QTMAN: variants seen among roughly 807,000 people sequenced by gnomAD.
The protein encoded by QTMAN is tRNA-queuosine alpha-mannosyltransferase.
the QTMAN span, among the ~76,000 whole-genome samples, chr2:143,989,293 A>G: frequency 9.9e-5 from 15 of 152,198 alleles, no homozygotes; most frequent in African/African-American, 3.1e-4. Flanking sequence ...CATAGAACTG[A>G]GTGGTGATAA....
chr2:144,329,480 TATAAA>T, the QTMAN span, among the ~76,000 whole-genome samples: 1 of 152,188 alleles, frequency 6.6e-6, no homozygotes, highest in South Asian at 2.1e-4. Flanking sequence ...AACATATCCT[TATAAA>T]ATAAAACCAA....
At chr2:144,060,067 A>G in the QTMAN span, among the ~76,000 whole-genome samples, 2 of 152,214 alleles carry the variant, frequency 1.3e-5, no homozygotes, top group East Asian at 3.9e-4. Flanking sequence ...TCCTGGAATA[A>G]TATCTACCTT....
At chr2:144,004,842 A>T in the QTMAN span, among the ~76,000 whole-genome samples, 1 of 152,006 alleles carries the variant, frequency 6.6e-6, no homozygotes, top group Non-Finnish European at 1.5e-5. Context: ...CAGGTTACAC[A>T]CTGTAATCCT....
chr2:144,174,756 G>GT, the QTMAN span, among the ~76,000 whole-genome samples: 10 of 152,150 alleles, frequency 6.6e-5, 1 homozygote, highest in Non-Finnish European at 1.2e-4. Flanking sequence ...CTGGTGCCAT[G>GT]TAAGGCGTGT....
chr2:144,324,266 T>C, the QTMAN span, among the ~76,000 whole-genome samples: 1 of 152,220 alleles, frequency 6.6e-6, no homozygotes, highest in African/African-American at 2.4e-5. Flanking sequence ...TTAAAGTCAA[T>C]TGAGTAAGAC....
chr2:144,145,568 C>T, the QTMAN span: 1 of 1,601,390 alleles, frequency 6.2e-7, no homozygotes, highest in South Asian at 1.1e-5. Context: ...CAATCCATAC[C>T]TACCATGAAA....
the QTMAN span, among the ~76,000 whole-genome samples, chr2:144,195,897 T>C: frequency 2.1e-4 from 32 of 152,108 alleles, no homozygotes; most frequent in Non-Finnish European, 3.8e-4. Flanking sequence ...CTTTATAAAC[T>C]TAAAAGTTAT....
At chr2:144,294,386 C>A in the QTMAN span, 1 of 152,188 alleles carries the variant, frequency 6.6e-6, no homozygotes, top group South Asian at 2.1e-4. Flanking sequence ...AGGTTCTTTT[C>A]TGATGCTCTC....
At chr2:144,097,762 T>C in the QTMAN span, among the ~76,000 whole-genome samples, 1 of 152,216 alleles carries the variant, frequency 6.6e-6, no homozygotes, top group Non-Finnish European at 1.5e-5. Flanking sequence ...TCCTCAGCAA[T>C]GCTTTTAAAC....
At chr2:144,260,241 T>A in the QTMAN span, among the ~76,000 whole-genome samples, 60 of 152,272 alleles carry the variant, frequency 3.9e-4, no homozygotes, top group African/African-American at 1.4e-3. Flanking sequence ...TGAAATAACA[T>A]CATTTTTATT....
chr2:144,180,301 T>A, the QTMAN span, among the ~76,000 whole-genome samples: 1 of 152,144 alleles, frequency 6.6e-6, no homozygotes, highest in Non-Finnish European at 1.5e-5. Context: ...ACATTTTAAA[T>A]GGAAACCAAG....
At chr2:144,251,190 A>C in the QTMAN span, among the ~76,000 whole-genome samples, 1 of 152,154 alleles carries the variant, frequency 6.6e-6, no homozygotes, top group Non-Finnish European at 1.5e-5. Flanking sequence ...TATTTTTTAA[A>C]AAACATCACA....
At chr2:144,133,393 T>A in the QTMAN span, among the ~76,000 whole-genome samples, 1 of 59,308 alleles carries the variant, frequency 1.7e-5, no homozygotes, top group South Asian at 3.7e-4. Flanking sequence ...ATAATATATA[T>A]TATATAAATA....
chr2:144,070,034 G>A, the QTMAN span, among the ~76,000 whole-genome samples: 1 of 151,994 alleles, frequency 6.6e-6, no homozygotes, highest in Non-Finnish European at 1.5e-5. Flanking sequence ...TTATAGTTAT[G>A]TTTACTAAAG....
chr2:144,168,846 A>G, the QTMAN span, among the ~76,000 whole-genome samples: 5 of 152,112 alleles, frequency 3.3e-5, no homozygotes, highest in Non-Finnish European at 7.4e-5. Context: ...TGTGAAAGGA[A>G]TATCTTAGTT....
chr2:144,009,235 C>T, the QTMAN span, among the ~76,000 whole-genome samples: 1 of 152,038 alleles, frequency 6.6e-6, no homozygotes, highest in Non-Finnish European at 1.5e-5. Context: ...CTTTAGGTGG[C>T]AGGTGTAGAA....
At chr2:144,213,245 T>C in the QTMAN span, among the ~76,000 whole-genome samples, 1 of 152,188 alleles carries the variant, frequency 6.6e-6, no homozygotes, top group Non-Finnish European at 1.5e-5. Flanking sequence ...CCAATTTCTT[T>C]ATTCCCTAAG....
chr2:144,051,165 T>C, the QTMAN span, among the ~76,000 whole-genome samples: 1 of 152,164 alleles, frequency 6.6e-6, no homozygotes, highest in East Asian at 1.9e-4. Context: ...ATAGTTAAGA[T>C]ATATATGCAT....
the QTMAN span, among the ~76,000 whole-genome samples, chr2:144,111,796 C>G: frequency 6.6e-6 from 1 of 152,134 alleles, no homozygotes; most frequent in Non-Finnish European, 1.5e-5. Context: ...AGAGGAACCG[C>G]TCTTATATAG....
Sources: allele counts gnomAD v4.1 joint callset (sites outside exome capture counted in the v4.1 genomes callset), GRCh38; gene constraint gnomAD v4.1.1; transcripts MANE v1.5; gene names NCBI Gene and HGNC (gene_info 2026-07-23, HGNC 2026-07-21).